The following SSH2 variants were observed in gnomAD, a reference collection of about 807,000 sequenced individuals.
The protein encoded by SSH2 is slingshot protein phosphatase 2, also known as protein phosphatase Slingshot homolog 2.
A neutral mutation model predicts 135.2 loss-of-function variants in SSH2; 37 were observed. The observed-to-expected ratio is 0.27, with a 90% confidence interval of 0.21 to 0.36. The LOEUF (loss-of-function observed/expected upper bound fraction) is 0.36. Ranked by LOEUF, SSH2 falls within the 10% of genes least tolerant of loss-of-function variation. The pLI is 1.00. For missense variants in SSH2, 1,408 were observed against 1,765.3 expected, an observed-to-expected ratio of 0.80 and a Z score of 3.63; for synonymous variants, 628 against 646.2, an observed-to-expected ratio of 0.97 and a Z score of 0.43.
chr17:29,781,700 G>A (rs865993566), intron 3 of SSH2, among the ~76,000 whole-genome samples: 3 of 151,546 alleles, frequency 2.0e-5, no homozygotes, highest in African/African-American at 7.3e-5. Context: ...GGCTGATCTC[G>A]AACTCTTGAC....
In SSH2 at chr17:29,626,281, A is replaced by C. The variant is rs1452451458; in HGVS notation, c.*4560T>G. ...ACAAGTCCTACAAAACAAAGCAGAA[A>C]GAAAAAAAAAAAAAAAGAAAAGTAA... On this transcript the variant is annotated 3_prime_UTR_variant, in exon 16 of 16. Coordinates refer to ENST00000540801, the MANE Select transcript of SSH2 (RefSeq NM_001282129.2). 1 of 150,688 alleles carries C rather than the reference A, an allele frequency of 6.6e-6. No individual in the cohort carries two copies. The highest frequency in any genetic ancestry group is 1.5e-5 in the Non-Finnish European group (1 of 67,356). 9.3% of individuals were successfully genotyped at this position (150,688 alleles called of 1,614,324 possible).
intron 3 of SSH2, among the ~76,000 whole-genome samples, chr17:29,764,861 G>A (rs1455470926): frequency 1.3e-5 from 2 of 152,192 alleles, no homozygotes; most frequent in African/African-American, 4.8e-5. Flanking sequence ...TATAATCACT[G>A]TAAAACAGTG....
At chr17:29,706,182 T>C (rs1043971076) in intron 3 of SSH2, among the ~76,000 whole-genome samples, 2 of 152,238 alleles carry the variant, frequency 1.3e-5, no homozygotes, top group African/African-American at 4.8e-5. Flanking sequence ...TCAATATATG[T>C]GGCAGATTAA....
chr17:29,813,086 C>G (rs1231727223), intron 2 of SSH2, among the ~76,000 whole-genome samples: 2 of 151,392 alleles, frequency 1.3e-5, no homozygotes, highest in Non-Finnish European at 3.0e-5. Flanking sequence ...AGATAAACAC[C>G]AATAAAAAAA....
chr17:29,901,951 T>G (rs2066565104), intron 1 of SSH2, among the ~76,000 whole-genome samples: 1 of 152,012 alleles, frequency 6.6e-6, no homozygotes, highest in Non-Finnish European at 1.5e-5. Context: ...CCTGGCTAAT[T>G]TTTAATTTTT....
At chr17:29,841,532 G>T (rs1193626830) in intron 2 of SSH2, among the ~76,000 whole-genome samples, 1 of 152,140 alleles carries the variant, frequency 6.6e-6, no homozygotes, top group Non-Finnish European at 1.5e-5. Context: ...TCACTGAATA[G>T]AAAGAATGTA....
intron 4 of SSH2, among the ~76,000 whole-genome samples, chr17:29,699,093 A>G (rs562829945): frequency 6.6e-6 from 1 of 152,342 alleles, no homozygotes; most frequent in South Asian, 2.1e-4. Context: ...TGTTCTTCAC[A>G]GAGTCTAACA....
intron 3 of SSH2, 53 bp from the exon 4 acceptor site, chr17:29,703,115 A>T: frequency 7.8e-7 from 1 of 1,289,542 alleles, no homozygotes; most frequent in Non-Finnish European, 1.1e-6. Context: ...GAAATCAAAG[A>T]GTAGGATGGA....
intron 2 of SSH2, among the ~76,000 whole-genome samples, chr17:29,794,680 A>T (rs1415467981): frequency 6.6e-6 from 1 of 152,186 alleles, no homozygotes. Flanking sequence ...AAATAATAGA[A>T]AGTCTTATAA....
intron 5 of SSH2, among the ~76,000 whole-genome samples, chr17:29,694,734 A>C (rs1367144667): frequency 1.3e-5 from 2 of 152,176 alleles, no homozygotes; most frequent in African/African-American, 4.8e-5. Flanking sequence ...ATTCTGGCTT[A>C]TGTTTTTTTA....
intron 4 of SSH2, among the ~76,000 whole-genome samples, chr17:29,697,270 T>C (rs1450366527): frequency 6.6e-6 from 1 of 152,188 alleles, no homozygotes; most frequent in Admixed American, 6.5e-5. Context: ...CTTATTAAAG[T>C]CTAAGGTGAC....
At chr17:29,744,883 G>GTGTGTGTGTGTGTT (rs2040704247) in intron 3 of SSH2, among the ~76,000 whole-genome samples, 1 of 151,160 alleles carries the variant, frequency 6.6e-6, no homozygotes, top group African/African-American at 2.5e-5. Flanking sequence ...GTGTGTGTGT[G>GTGTGTGTGTGTGTT]TGTGTGTGTG....
intron 14 of SSH2, among the ~76,000 whole-genome samples, chr17:29,640,463 C>G (rs560199069): frequency 2.0e-5 from 3 of 152,196 alleles, no homozygotes; most frequent in African/African-American, 7.2e-5. Flanking sequence ...TAGGCAGCAA[C>G]AGTGCATGTT....
chr17:29,884,008 G>T (rs1252600230), intron 1 of SSH2, among the ~76,000 whole-genome samples: 2 of 152,010 alleles, frequency 1.3e-5, no homozygotes, highest in Non-Finnish European at 2.9e-5. Context: ...AGTGAGAGAG[G>T]TTACTATGTT....
intron 1 of SSH2, among the ~76,000 whole-genome samples, chr17:29,880,667 T>C (rs946176269): frequency 2.6e-4 from 40 of 152,216 alleles, no homozygotes; most frequent in African/African-American, 9.6e-4. Flanking sequence ...TGACTCTTGC[T>C]TTGCACTGTG....
intron 5 of SSH2, among the ~76,000 whole-genome samples, chr17:29,692,389 A>G (rs2038524638): frequency 1.3e-5 from 2 of 152,194 alleles, no homozygotes; most frequent in African/African-American, 2.4e-5. Flanking sequence ...CATAATGACT[A>G]TGTGTTTGTA....
intron 3 of SSH2, among the ~76,000 whole-genome samples, chr17:29,793,084 A>C (rs567876738): frequency 3.9e-5 from 6 of 152,276 alleles, no homozygotes; most frequent in Middle Eastern, 3.4e-3. Context: ...AGAGGATACA[A>C]GTTTGGTAAC....
At chr17:29,924,181 TTC>T (rs998218089) in intron 1 of SSH2, among the ~76,000 whole-genome samples, 3 of 152,216 alleles carry the variant, frequency 2.0e-5, no homozygotes, top group African/African-American at 4.8e-5. Flanking sequence ...CACTTTTTTT[TTC>T]TCTGTCACTG....
At chr17:29,732,712 T>TA (rs1360538373) in intron 3 of SSH2, among the ~76,000 whole-genome samples, 3 of 152,184 alleles carry the variant, frequency 2.0e-5, no homozygotes, top group African/African-American at 7.2e-5. Context: ...CTTCGGCTCA[T>TA]AGCAGTGAGG....
Sources: gnomAD v4.1 joint callset for allele counts (sites outside exome capture counted in the v4.1 genomes callset) on GRCh38, gnomAD v4.1.1 for gene constraint, MANE v1.5 for transcripts, NCBI Gene and HGNC (gene_info 2026-07-23, HGNC 2026-07-21) for gene names.